The following ELP3 variants were observed in gnomAD, a reference collection of about 807,000 sequenced individuals.
ELP3 encodes elongator acetyltransferase complex subunit 3.
ELP3 carries 56 observed loss-of-function variants against 74.9 expected under a neutral mutation model. The observed-to-expected ratio is 0.75, with a 90% CI of 0.60 to 0.93. ELP3 has a LOEUF of 0.93. Ranked by LOEUF, ELP3 falls within the 40% of genes least tolerant of loss-of-function variation. The probability of loss-of-function intolerance (pLI) is 0.00; values close to 1 mark genes in which losing one functional copy is unlikely to be tolerated. For synonymous variants in ELP3, 222 were observed against 239.8 expected (o/e 0.93, Z 0.68); for missense variants, 573 against 686.5 (o/e 0.83, Z 1.85).
rs34364991 is a variant in ELP3 at position 28,134,929 on chromosome 8, CT to C, written c.906+2538del. 7.5e-3 allele frequency among the ~76,000 whole-genome samples: 1,068 copies of C among 143,262 alleles called. 1 individual carries two copies. Among genetic ancestry groups the C allele is most frequent in the Non-Finnish European group, 0.01 (662 of 65,124 alleles). The allele number at this position is 143,262 out of a possible 152,430, so 94.0% of individuals were successfully genotyped here. A position where few individuals can be genotyped will look rare whatever the true frequency, so the allele number is the denominator to read the frequency against. On this transcript the variant is annotated intron_variant, in intron 9 of 14. Coordinates refer to ENST00000256398, the MANE Select transcript of ELP3 (RefSeq NM_018091.6). ...ATGATCTTCAACCAGTTTCTTATGC[CT>C]TTTTTTTTTTTTCCTTGAGACGGAG...
intron 14 of ELP3, among the ~76,000 whole-genome samples, chr8:28,176,591 T>C (rs1180097836): frequency 1.3e-5 from 2 of 152,194 alleles, no homozygotes; most frequent in African/African-American, 4.8e-5. Context: ...TCTTACCAAG[T>C]TCCAGCATTC....
chr8:28,130,595 A>G (rs1056760751), intron 8 of ELP3, among the ~76,000 whole-genome samples: 3 of 152,236 alleles, frequency 2.0e-5, no homozygotes, highest in Non-Finnish European at 4.4e-5. Flanking sequence ...GGATGCTCTT[A>G]TGTGGGAAAA....
intron 7 of ELP3, among the ~76,000 whole-genome samples, chr8:28,122,863 G>A (rs1008519692): frequency 2.0e-5 from 3 of 152,038 alleles, no homozygotes; most frequent in African/African-American, 4.8e-5. Context: ...AATGGCTCAC[G>A]CCTGTAATCC....
intron 9 of ELP3, among the ~76,000 whole-genome samples, chr8:28,135,118 C>T (rs1031892417): frequency 3.9e-5 from 6 of 152,062 alleles, no homozygotes; most frequent in Admixed American, 6.5e-5. Flanking sequence ...TTAGTAGAGA[C>T]GGGGTTTCAC....
intron 5 of ELP3, among the ~76,000 whole-genome samples, chr8:28,109,742 A>G (rs1350081519): frequency 1.3e-5 from 2 of 152,194 alleles, no homozygotes; most frequent in Non-Finnish European, 2.9e-5. Flanking sequence ...AGTTTGTGTT[A>G]AGTACTATGT....
At chr8:28,122,670 T>C (rs1812419969) in intron 7 of ELP3, among the ~76,000 whole-genome samples, 2 of 152,210 alleles carry the variant, frequency 1.3e-5, no homozygotes, top group Non-Finnish European at 2.9e-5. Context: ...GTGTTTTCTC[T>C]TTTTTTCTTG....
chr8:28,115,097 G>C (rs2130405933), intron 7 of ELP3, among the ~76,000 whole-genome samples: 1 of 152,290 alleles, frequency 6.6e-6, no homozygotes, highest in East Asian at 1.9e-4. Context: ...ACTGAGGTGG[G>C]AAAGATAGCG....
chr8:28,146,711 A>T (rs1399735447), intron 10 of ELP3, among the ~76,000 whole-genome samples: 1 of 152,200 alleles, frequency 6.6e-6, no homozygotes, highest in East Asian at 1.9e-4. Flanking sequence ...CATGTTCAGC[A>T]TACATAGAAT....
chr8:28,110,140 C>G (rs950354374), intron 5 of ELP3, among the ~76,000 whole-genome samples: 3 of 152,104 alleles, frequency 2.0e-5, no homozygotes, highest in African/African-American at 7.2e-5. Context: ...CAGATGTGAT[C>G]CAAGGAGACA....
At position 28,110,308 on chromosome 8, in the gene ELP3, C is replaced by T. The variant is rs191771529; in HGVS notation, c.394-62C>T. 6.5e-5 allele frequency: 91 copies of T among 1,401,748 alleles called. No individual in the cohort carries two copies. The African/African-American group carries it at 1.3e-3, about 20-fold the overall frequency. The allele number at this position is 1,401,748 out of a possible 1,614,324, so 86.8% of individuals were successfully genotyped here. A position where few individuals can be genotyped will look rare whatever the true frequency, so the allele number is the denominator to read the frequency against. On this transcript the variant is annotated intron_variant, in intron 5 of 14. Transcript: ENST00000256398. ...TGGAGAGTTTTTTTTAAAATACAGT[C>T]CTTTTGAAACTACTTTTTAGTTTTA...
At chr8:28,121,429 C>A (rs1364756215) in intron 7 of ELP3, among the ~76,000 whole-genome samples, 2 of 151,172 alleles carry the variant, frequency 1.3e-5, no homozygotes, top group Non-Finnish European at 2.9e-5. Flanking sequence ...AAGACATTCT[C>A]CTGCCTCAGC....
At chr8:28,182,738 C>T (rs1815067263) in intron 14 of ELP3, among the ~76,000 whole-genome samples, 1 of 152,182 alleles carries the variant, frequency 6.6e-6, no homozygotes, top group Admixed American at 6.5e-5. Flanking sequence ...ATATGCATTG[C>T]CTGTGATTTT....
chr8:28,120,304 T>C (rs1179853038), intron 7 of ELP3, among the ~76,000 whole-genome samples: 1 of 152,192 alleles, frequency 6.6e-6, no homozygotes, highest in Admixed American at 6.5e-5. Context: ...TATCTCGTGG[T>C]TTTAGTTTGC....
chr8:28,123,115 C>T (rs1295676977), intron 7 of ELP3, among the ~76,000 whole-genome samples: 1 of 152,110 alleles, frequency 6.6e-6, no homozygotes, highest in Non-Finnish European at 1.5e-5. Context: ...CAGAGTGAGA[C>T]TCCTTCTCAA....
At chr8:28,148,817 C>T (rs1813531303) in intron 10 of ELP3, among the ~76,000 whole-genome samples, 1 of 152,126 alleles carries the variant, frequency 6.6e-6, no homozygotes, top group African/African-American at 2.4e-5. Flanking sequence ...AGGATTTTTG[C>T]ATCTATGTTC....
intron 3 of ELP3, among the ~76,000 whole-genome samples, chr8:28,104,794 A>G (rs1811622148): frequency 6.6e-6 from 1 of 152,160 alleles, no homozygotes; most frequent in South Asian, 2.1e-4. Flanking sequence ...TGTCCACCAG[A>G]CTTACCCTCT....
At chr8:28,091,740 G>A (rs1369046211), upstream of ELP3, among the ~76,000 whole-genome samples, 4 of 152,178 alleles carry the variant, frequency 2.6e-5, no homozygotes, top group East Asian at 1.9e-4. Context: ...TCTGAGACAG[G>A]TCTCAGTCTG....
intron 10 of ELP3, among the ~76,000 whole-genome samples, chr8:28,148,567 T>C (rs571817628): frequency 2.0e-5 from 3 of 152,210 alleles, no homozygotes; most frequent in African/African-American, 2.4e-5. Flanking sequence ...GTGTTAGCGA[T>C]AGGCATTTTT....
intron 12 of ELP3, among the ~76,000 whole-genome samples, chr8:28,159,678 A>T (rs1813988820): frequency 6.6e-6 from 1 of 152,210 alleles, no homozygotes. Context: ...AACTTTCTCT[A>T]ACATTTTTAT....
Sources: allele counts gnomAD v4.1 joint callset (sites outside exome capture counted in the v4.1 genomes callset), GRCh38; gene constraint gnomAD v4.1.1; transcripts MANE v1.5; gene names NCBI Gene and HGNC (gene_info 2026-07-23, HGNC 2026-07-21).